Variants in THSD4 observed in about 807,000 individuals in gnomAD.
THSD4 encodes thrombospondin type 1 domain containing 4.
In THSD4, 69 loss-of-function variants were observed where a neutral mutation model predicts 119.0. That is an observed-to-expected ratio of 0.58 (90% confidence interval 0.48 to 0.71). The LOEUF (loss-of-function observed/expected upper bound fraction) is 0.71. Ranked by LOEUF, THSD4 falls within the 30% of genes least tolerant of loss-of-function variation. The pLI is 0.00. For missense variants in THSD4, 1,393 were observed against 1,391.1 expected (o/e 1.00, Z -0.02); for synonymous variants, 524 against 540.4 (o/e 0.97, Z 0.42).
chr15:71,729,185 G>C (rs1049814931), intron 9 of THSD4: 1 of 165,256 alleles, frequency 6.1e-6, no homozygotes, highest in Non-Finnish European at 1.3e-5. Context: ...GAGCTCCAGA[G>C]CCCTCCAGAT....
chr15:71,269,391 A>G (rs548963513), intron 6 of THSD4, among the ~76,000 whole-genome samples: 17 of 152,324 alleles, frequency 1.1e-4, no homozygotes, highest in African/African-American at 2.9e-4. Flanking sequence ...CCTTGATAAA[A>G]TTCAACACCC....
At chr15:71,652,809 G>A (rs543259462) in intron 7 of THSD4, among the ~76,000 whole-genome samples, 5 of 152,200 alleles carry the variant, frequency 3.3e-5, no homozygotes, top group Admixed American at 6.5e-5. Context: ...CAGATCGCTC[G>A]TTTTACAATT....
At chr15:71,341,798 T>TCTTC (rs778013506) in intron 6 of THSD4, 10 of 769,888 alleles carry the variant, frequency 1.3e-5, no homozygotes, top group Non-Finnish European at 1.9e-5. Context: ...AACCCTCTTT[T>TCTTC]CTTCCTTCCT....
Position 71,728,681 on chromosome 15 carries a change from C to T in THSD4, c.1490C>T (p.Ser497Phe). The change falls in exon 9 of 18, where the codon TCC becomes TTC. Residue 497 changes from serine to phenylalanine, a missense_variant. Coordinates refer to ENST00000261862, the MANE Select transcript of THSD4 (RefSeq NM_024817.3). The part of the protein sequence containing the change: ...PNEISSTAGE[S>F]FLAEGPTNEI... Reference sequence around the variant, plus strand: ...GAGATTTCGAGCACTGCCGGAGAGTCCTTTTTGGCGGAAGGTCCCACCAAC... The same window carrying T: ...GAGATTTCGAGCACTGCCGGAGAGTTCTTTTTGGCGGAAGGTCCCACCAAC... 1 of 1,614,180 alleles carries T rather than the reference C, an allele frequency of 6.2e-7. No individual in the cohort carries two copies. The highest frequency in any genetic ancestry group is 8.5e-7 in the Non-Finnish European group (1 of 1,180,024).
intron 5 of THSD4, among the ~76,000 whole-genome samples, chr15:71,247,527 A>G (rs780631373): frequency 4.6e-5 from 7 of 152,238 alleles, no homozygotes; most frequent in Non-Finnish European, 1.0e-4. Context: ...CACAGTGGAA[A>G]TTAACCTGGC....
At chr15:71,206,810 A>G (rs2043847330) in intron 3 of THSD4, among the ~76,000 whole-genome samples, 1 of 152,194 alleles carries the variant, frequency 6.6e-6, no homozygotes, top group Non-Finnish European at 1.5e-5. Flanking sequence ...ATCTGCTCCA[A>G]ATCTTTCTCC....
chr15:71,209,353 C>T (rs1327250570), intron 3 of THSD4, among the ~76,000 whole-genome samples: 1 of 152,228 alleles, frequency 6.6e-6, no homozygotes, highest in Non-Finnish European at 1.5e-5. Flanking sequence ...CACACGGACA[C>T]TCTGAACCTC....
intron 7 of THSD4, among the ~76,000 whole-genome samples, chr15:71,618,591 A>G (rs921588871): frequency 6.6e-6 from 1 of 152,180 alleles, no homozygotes; most frequent in African/African-American, 2.4e-5. Flanking sequence ...TTTATTATTA[A>G]GAGACAGGGT....
At chr15:71,337,924 G>A (rs1353371489) in intron 6 of THSD4, among the ~76,000 whole-genome samples, 1 of 152,188 alleles carries the variant, frequency 6.6e-6, no homozygotes, top group Non-Finnish European at 1.5e-5. Context: ...AGCCTCAGCC[G>A]CTTCCCTGTG....
Position 71,371,191 on chromosome 15 carries a change from C to G in THSD4, c.1016-40496C>G, listed in dbSNP as rs559879617. Among the ~76,000 whole-genome samples the G allele has an allele frequency of 2.6e-5, 4 of 152,244 alleles. No homozygotes were observed. The South Asian group carries it at 8.3e-4, about 32-fold the overall frequency. On this transcript the variant is annotated intron_variant, in intron 6 of 17. Transcript: ENST00000261862. Reference sequence around the variant, plus strand: ...GTGTGTCTTAGCACATGAGATGGGTCTCCTGAATACAGCACACTGATGGGT... The same window carrying G: ...GTGTGTCTTAGCACATGAGATGGGTGTCCTGAATACAGCACACTGATGGGT...
chr15:71,726,359 C>G (rs767095855), intron 8 of THSD4, among the ~76,000 whole-genome samples: 18 of 152,028 alleles, frequency 1.2e-4, no homozygotes, highest in Non-Finnish European at 2.1e-4. Flanking sequence ...ATTGTAGGAA[C>G]GCGGCTGAAA....
At chr15:71,535,517 T>G (rs2048677698) in intron 7 of THSD4, among the ~76,000 whole-genome samples, 1 of 152,172 alleles carries the variant, frequency 6.6e-6, no homozygotes, top group African/African-American at 2.4e-5. Flanking sequence ...ATGTGGTAAT[T>G]CTACATTTAA....
At chr15:71,495,065 G>A (rs1308700894) in intron 7 of THSD4, among the ~76,000 whole-genome samples, 1 of 152,146 alleles carries the variant, frequency 6.6e-6, no homozygotes, top group Non-Finnish European at 1.5e-5. Flanking sequence ...AGGAAATGTG[G>A]GCAATTTATT....
chr15:71,255,091 T>C lies in THSD4; in HGVS notation c.913-1522T>C, dbSNP rs548447743. On this transcript the variant is annotated intron_variant, in intron 5 of 17. Transcript: ENST00000261862. ...CTCATCTTCCGGGAGACCTAATATT[T>C]CTGATACATACAGTAGATTTCTCTA... Among the ~76,000 whole-genome samples, 10 of 152,314 alleles carry C rather than the reference T, an allele frequency of 6.6e-5. No individual in the cohort carries two copies. In the South Asian group the frequency reaches 2.1e-3, roughly 32 times the overall value.
chr15:71,516,952 T>A (rs1464412434), intron 7 of THSD4, among the ~76,000 whole-genome samples: 2 of 152,220 alleles, frequency 1.3e-5, no homozygotes, highest in Admixed American at 1.3e-4. Flanking sequence ...AGTTGACACA[T>A]GTAGCTTAAC....
At chr15:71,491,082 T>G (rs1217759326) in intron 7 of THSD4, among the ~76,000 whole-genome samples, 1 of 152,240 alleles carries the variant, frequency 6.6e-6, no homozygotes, top group African/African-American at 2.4e-5. Flanking sequence ...ATGGAATTAC[T>G]TTGGTCAAAG....
At chr15:71,183,585 A>G (rs943683729) in intron 3 of THSD4, among the ~76,000 whole-genome samples, 2 of 151,698 alleles carry the variant, frequency 1.3e-5, no homozygotes, top group African/African-American at 2.4e-5. Flanking sequence ...AGTAAATACT[A>G]TATAGGTGGT....
intron 7 of THSD4, among the ~76,000 whole-genome samples, chr15:71,442,695 T>TATATACAC (rs2047126308): frequency 8.4e-6 from 1 of 118,442 alleles, no homozygotes; most frequent in African/African-American, 3.1e-5. Context: ...TATATATATA[T>TATATACAC]ATATATATGA....
At chr15:71,458,653 G>C (rs1374374423) in intron 7 of THSD4, among the ~76,000 whole-genome samples, 1 of 152,170 alleles carries the variant, frequency 6.6e-6, no homozygotes, top group Non-Finnish European at 1.5e-5. Context: ...CTTCATGAAT[G>C]ATAAAGCATA....
Sources: allele counts gnomAD v4.1 joint callset (sites outside exome capture counted in the v4.1 genomes callset), GRCh38; gene constraint gnomAD v4.1.1; transcripts MANE v1.5; gene names NCBI Gene and HGNC (gene_info 2026-07-23, HGNC 2026-07-21).